GALNTL6: variants seen among roughly 807,000 people sequenced by gnomAD.
GALNTL6 encodes the protein polypeptide N-acetylgalactosaminyltransferase like 6, also known as polypeptide N-acetylgalactosaminyltransferase-like 6.
Under a neutral mutation model 73.7 loss-of-function variants are expected in GALNTL6, and 46 were observed. The ratio of observed to expected loss-of-function variants is 0.62; its 90% confidence interval spans 0.49 to 0.80. The LOEUF (loss-of-function observed/expected upper bound fraction) is 0.80, where lower values mean the gene tolerates loss of function less well. GALNTL6 is among the 30% of genes least tolerant of loss of function. The pLI is 0.00. For synonymous variants in GALNTL6, 259 were observed against 263.7 expected, an observed-to-expected ratio of 0.98 and a Z score of 0.17; for missense variants, 604 against 755.0, an observed-to-expected ratio of 0.80 and a Z score of 2.34.
At chr4:172,580,737 T>C (rs1320058924) in intron 5 of GALNTL6, among the ~76,000 whole-genome samples, 2 of 152,184 alleles carry the variant, frequency 1.3e-5, no homozygotes, top group Non-Finnish European at 1.5e-5. Flanking sequence ...AAATACATTA[T>C]TTAACTGTAG....
intron 5 of GALNTL6, among the ~76,000 whole-genome samples, chr4:172,378,575 A>T (rs1486134824): frequency 2.6e-5 from 4 of 152,142 alleles, no homozygotes; most frequent in African/African-American, 4.8e-5. Context: ...AATTAGAAAG[A>T]TGTTTGGTTT....
chr4:172,580,100 A>T (rs1364954322), intron 5 of GALNTL6, among the ~76,000 whole-genome samples: 2 of 152,228 alleles, frequency 1.3e-5, no homozygotes, highest in African/African-American at 4.8e-5. Flanking sequence ...TGCTATTTAA[A>T]CAGATGCCTC....
intron 4 of GALNTL6, among the ~76,000 whole-genome samples, chr4:172,339,312 C>CACACACACACACACACACAG (rs1741474464): frequency 7.3e-6 from 1 of 136,158 alleles, no homozygotes; most frequent in African/African-American, 2.6e-5. Flanking sequence ...CACACACACA[C>CACACACACACACACACACAG]ACAGAGTTTC....
intron 5 of GALNTL6, among the ~76,000 whole-genome samples, chr4:172,660,665 A>T (rs1731321355): frequency 6.6e-6 from 1 of 152,200 alleles, no homozygotes; most frequent in Non-Finnish European, 1.5e-5. Flanking sequence ...AACAGACAGG[A>T]CCCAAACTTC....
intron 5 of GALNTL6, among the ~76,000 whole-genome samples, chr4:172,775,157 T>C (rs909757460): frequency 8.5e-5 from 13 of 152,078 alleles, no homozygotes; most frequent in Admixed American, 1.3e-4. Flanking sequence ...TATAGTCAAA[T>C]TCAGCAAGTA....
intron 2 of GALNTL6, among the ~76,000 whole-genome samples, chr4:171,925,186 A>G (rs1421497481): frequency 6.6e-6 from 1 of 152,180 alleles, no homozygotes; most frequent in African/African-American, 2.4e-5. Flanking sequence ...AGAAGCCAGG[A>G]ATCAGGTACT....
At chr4:172,713,765 C>A (rs569430983) in intron 5 of GALNTL6, among the ~76,000 whole-genome samples, 33 of 152,162 alleles carry the variant, frequency 2.2e-4, no homozygotes, top group Non-Finnish European at 4.7e-4. Context: ...CTCAATAGAT[C>A]TCAAATCCAT....
chr4:172,438,968 G>A lies in GALNTL6; in HGVS notation c.553+90279G>A, dbSNP rs111544612. 8.3e-3 allele frequency among the ~76,000 whole-genome samples: 1,255 copies of A among 151,890 alleles called. 19 individuals are homozygous for A. The highest frequency in any genetic ancestry group is 0.026 in the African/African-American group (1,066 of 41,414). The stretch of plus-strand genomic sequence containing the variant: ...TTTCTATGCCTATGAATGAATATCC[G>A]TCCTTCTAACTAGGGCAAAGCCTTC... On this transcript the variant is annotated intron_variant, in intron 5 of 12. Transcript: ENST00000506823.
intron 2 of GALNTL6, among the ~76,000 whole-genome samples, chr4:172,223,925 C>T (rs1249140539): frequency 6.6e-6 from 1 of 152,010 alleles, no homozygotes; most frequent in African/African-American, 2.4e-5. Context: ...AAAACATTTC[C>T]TAGGTGTCTT....
intron 7 of GALNTL6, among the ~76,000 whole-genome samples, chr4:172,820,389 A>G (rs1741856703): frequency 6.6e-6 from 1 of 152,246 alleles, no homozygotes; most frequent in Non-Finnish European, 1.5e-5. Flanking sequence ...TAACCTATTC[A>G]AAATTTGAAA....
chr4:172,679,019 T>C (rs369919257), intron 5 of GALNTL6, among the ~76,000 whole-genome samples: 14 of 152,222 alleles, frequency 9.2e-5, no homozygotes, highest in African/African-American at 3.4e-4. Context: ...GGCATGGCTG[T>C]GTTCCAATTA....
chr4:172,219,908 A>G (rs888760014), intron 2 of GALNTL6, among the ~76,000 whole-genome samples: 6 of 152,004 alleles, frequency 3.9e-5, no homozygotes, highest in African/African-American at 1.2e-4. Context: ...CCCACGTAAG[A>G]ACCAATATCT....
At chr4:172,450,030 G>A (rs1184523379) in intron 5 of GALNTL6, among the ~76,000 whole-genome samples, 4 of 151,824 alleles carry the variant, frequency 2.6e-5, no homozygotes, top group African/African-American at 4.8e-5. Flanking sequence ...CCAACCTGAC[G>A]AACATGGAGA....
chr4:172,461,174 A>G (rs1732598718), intron 5 of GALNTL6, among the ~76,000 whole-genome samples: 1 of 151,922 alleles, frequency 6.6e-6, no homozygotes. Flanking sequence ...CAATGAGAAC[A>G]CATGGACACA....
intron 5 of GALNTL6, among the ~76,000 whole-genome samples, chr4:172,624,594 C>A (rs984002934): frequency 6.6e-6 from 1 of 151,830 alleles, no homozygotes; most frequent in Non-Finnish European, 1.5e-5. Flanking sequence ...TTATTACTGG[C>A]GTATGAAAAG....
chr4:172,157,770 A>G lies in GALNTL6; in HGVS notation c.139-71886A>G, dbSNP rs147619903. Among the ~76,000 whole-genome samples, 599 of 152,198 alleles carry G rather than the reference A, an allele frequency of 3.9e-3. 3 individuals are homozygous for G. Among genetic ancestry groups the G allele is most frequent in the African/African-American group, 0.013 (560 of 41,494 alleles). The stretch of plus-strand genomic sequence containing the variant: ...TCTTTTAAAAAGGTATCTTCTAAAA[A>G]TTTTCTAAATCTAGTTTCATTGTCC... On this transcript the variant is annotated intron_variant, in intron 2 of 12. Coordinates refer to ENST00000506823, the MANE Select transcript of GALNTL6 (RefSeq NM_001034845.3).
At chr4:172,215,762 T>G (rs1388365686) in intron 2 of GALNTL6, among the ~76,000 whole-genome samples, 2 of 152,190 alleles carry the variant, frequency 1.3e-5, no homozygotes, top group Non-Finnish European at 1.5e-5. Flanking sequence ...TTATATCTGT[T>G]GCAGTAGTTT....
chr4:172,894,398 T>C (rs1746211346), intron 8 of GALNTL6, among the ~76,000 whole-genome samples: 1 of 152,176 alleles, frequency 6.6e-6, no homozygotes, highest in Non-Finnish European at 1.5e-5. Context: ...TGTGTTGTGT[T>C]TCCAATTTTG....
At chr4:172,451,420 G>T (rs908817751) in intron 5 of GALNTL6, among the ~76,000 whole-genome samples, 8 of 152,098 alleles carry the variant, frequency 5.3e-5, no homozygotes, top group Admixed American at 4.6e-4. Context: ...AAACCACAAA[G>T]ACCCATTTAA....
Sources: gnomAD v4.1 joint callset for allele counts (sites outside exome capture counted in the v4.1 genomes callset) on GRCh38, gnomAD v4.1.1 for gene constraint, MANE v1.5 for transcripts, NCBI Gene and HGNC (gene_info 2026-07-23, HGNC 2026-07-21) for gene names.